The following CPAP variants were observed in gnomAD, a reference collection of about 807,000 sequenced individuals.
CPAP encodes centrosome assembly and centriole elongation protein.
chr13:24,919,767 T>C, the CPAP span, among the ~76,000 whole-genome samples: 6 of 151,230 alleles, frequency 4.0e-5, no homozygotes, highest in South Asian at 1.3e-3. Flanking sequence ...AACATTACTT[T>C]TTTTCTTTTT....
chr13:24,897,788 A>T, the CPAP span, among the ~76,000 whole-genome samples: 2 of 152,248 alleles, frequency 1.3e-5, no homozygotes, highest in Non-Finnish European at 2.9e-5. Context: ...AATGCAAACA[A>T]ATCAACTGTA....
chr13:24,887,788 C>T, the CPAP span, among the ~76,000 whole-genome samples: 1 of 152,156 alleles, frequency 6.6e-6, no homozygotes, highest in African/African-American at 2.4e-5. Context: ...TCCCTGATGC[C>T]AAAAAGGTTG....
At chr13:24,894,437 T>C in the CPAP span, among the ~76,000 whole-genome samples, 3 of 152,106 alleles carry the variant, frequency 2.0e-5, no homozygotes, top group East Asian at 5.8e-4. Flanking sequence ...GGATGGACAC[T>C]GGCAGACGGC....
At chr13:24,923,889 C>T in the CPAP span, among the ~76,000 whole-genome samples, 1 of 152,060 alleles carries the variant, frequency 6.6e-6, no homozygotes, top group African/African-American at 2.4e-5. Context: ...AGTACAATGG[C>T]GCGATCTCCG....
the CPAP span, chr13:24,907,886 T>A: frequency 1.4e-6 from 1 of 694,462 alleles, no homozygotes; most frequent in South Asian, 1.6e-5. Flanking sequence ...ATAGGTTGTA[T>A]CTTTAACCTT....
At chr13:24,884,260 A>G in the CPAP span, 2 of 1,614,058 alleles carry the variant, frequency 1.2e-6, no homozygotes, top group East Asian at 2.2e-5. Context: ...AAAGACACAC[A>G]GTCAGTCTGC....
chr13:24,899,698 A>T, the CPAP span: 1 of 798,244 alleles, frequency 1.3e-6, no homozygotes. Context: ...TTCAATCCAT[A>T]GGCCTGAAAT....
chr13:24,913,200 T>C, the CPAP span: 1 of 602,774 alleles, frequency 1.7e-6, no homozygotes, highest in Non-Finnish European at 2.9e-6. Context: ...ATATTTCATA[T>C]ACAAAAGACC....
chr13:24,883,143 C>T, the CPAP span: 12 of 1,563,992 alleles, frequency 7.7e-6, no homozygotes, highest in Non-Finnish European at 9.7e-6. Context: ...CATAAAAAGT[C>T]AGTTACTGTT....
At chr13:24,929,720 CTT>C in the CPAP span, among the ~76,000 whole-genome samples, 27 of 152,230 alleles carry the variant, frequency 1.8e-4, no homozygotes, top group South Asian at 5.4e-3. Context: ...TTTTTACCCT[CTT>C]ATTTCTTTCT....
At chr13:24,884,050 G>C in the CPAP span, 2 of 1,613,796 alleles carry the variant, frequency 1.2e-6, no homozygotes, top group Admixed American at 3.3e-5. Flanking sequence ...GTCAGGAAAC[G>C]TGATTTCTTT....
chr13:24,894,171 T>C, the CPAP span, among the ~76,000 whole-genome samples: 1 of 152,080 alleles, frequency 6.6e-6, no homozygotes, highest in Non-Finnish European at 1.5e-5. Context: ...CCCAGTCACA[T>C]AGGGACTGAG....
At chr13:24,890,526 C>A in the CPAP span, among the ~76,000 whole-genome samples, 1 of 152,310 alleles carries the variant, frequency 6.6e-6, no homozygotes, top group Admixed American at 6.5e-5. Context: ...GCACTCTTGT[C>A]ACACACACTG....
chr13:24,899,687 CT>C, the CPAP span: 12 of 864,790 alleles, frequency 1.4e-5, no homozygotes, highest in Middle Eastern at 6.4e-4. Flanking sequence ...GTGAATTCAT[CT>C]TCAATCCATA....
At chr13:24,894,959 A>G in the CPAP span, among the ~76,000 whole-genome samples, 2 of 152,204 alleles carry the variant, frequency 1.3e-5, no homozygotes, top group African/African-American at 4.8e-5. Flanking sequence ...GGGTGAAGCC[A>G]GCAGGCCTGG....
the CPAP span, among the ~76,000 whole-genome samples, chr13:24,891,327 C>A: frequency 1.3e-5 from 2 of 152,104 alleles, no homozygotes; most frequent in Non-Finnish European, 2.9e-5. Flanking sequence ...CTGTATCACA[C>A]ATTGAGACGA....
the CPAP span, among the ~76,000 whole-genome samples, chr13:24,904,892 G>A: frequency 2.6e-5 from 4 of 152,186 alleles, no homozygotes; most frequent in Non-Finnish European, 2.9e-5. Flanking sequence ...CTACACATCC[G>A]TTAAATGGAA....
chr13:24,895,434 C>G, the CPAP span, among the ~76,000 whole-genome samples: 1 of 152,116 alleles, frequency 6.6e-6, no homozygotes, highest in Non-Finnish European at 1.5e-5. Context: ...AAAAATTAGC[C>G]GGGCGTGGTG....
the CPAP span, chr13:24,884,550 T>A: frequency 1.5e-6 from 2 of 1,330,988 alleles, no homozygotes; most frequent in Admixed American, 1.7e-5. Flanking sequence ...ACTTTGAAAT[T>A]TTTTGTAATA....
Sources: gnomAD v4.1 joint callset for allele counts (sites outside exome capture counted in the v4.1 genomes callset) on GRCh38, gnomAD v4.1.1 for gene constraint, MANE v1.5 for transcripts, NCBI Gene and HGNC (gene_info 2026-07-23, HGNC 2026-07-21) for gene names.